Variants in MARK2 observed in about 807,000 individuals in gnomAD.
The protein encoded by MARK2 is serine/threonine-protein kinase MARK2.
In MARK2, 16 loss-of-function variants were observed where a neutral mutation model predicts 89.8. The observed-to-expected ratio is 0.18, with a 90% CI of 0.12 to 0.27. The LOEUF (loss-of-function observed/expected upper bound fraction) is 0.27. MARK2 is among the 10% of genes least tolerant of loss of function. The pLI is 1.00. For missense variants in MARK2, 621 were observed against 1,049.9 expected (o/e 0.59, Z 5.65); for synonymous variants, 382 against 399.5 (o/e 0.96, Z 0.52).
Position 63,839,386 on chromosome 11 carries a change from C to A in MARK2, c.-121C>A. 3.3e-6 allele frequency: 2 copies of A among 606,262 alleles called. No individual in the cohort carries two copies. Among genetic ancestry groups the A allele is most frequent in the African/African-American group, 2.0e-5 (1 of 50,446 alleles). The allele number at this position is 606,262 out of a possible 1,614,324, so 37.6% of individuals were successfully genotyped here. A position where few individuals can be genotyped will look rare whatever the true frequency, so the allele number is the denominator to read the frequency against. ...CGGCTGCCCGGCCTCCCCGCACCCC[C>A]GGCCGGGGCCCATGCGGCGGGTGCT... On this transcript the variant is annotated 5_prime_UTR_variant, in exon 1 of 19. Transcript: ENST00000402010.
chr11:63,860,209 AC>A (rs1937669097), intron 1 of MARK2, among the ~76,000 whole-genome samples: 1 of 152,144 alleles, frequency 6.6e-6, no homozygotes, highest in African/African-American at 2.4e-5. Context: ...CAAATAATAG[AC>A]CTTGGGCCTC....
intron 1 of MARK2, among the ~76,000 whole-genome samples, chr11:63,862,631 A>G (rs978817372): frequency 6.6e-6 from 1 of 152,156 alleles, no homozygotes; most frequent in Non-Finnish European, 1.5e-5. Flanking sequence ...AGACCTTTTT[A>G]AGAAACCCTC....
At chr11:63,878,359 C>CTTTTTTTTTTTT (rs59251368) in intron 1 of MARK2, among the ~76,000 whole-genome samples, 1 of 72,746 alleles carries the variant, frequency 1.4e-5, no homozygotes. Context: ...TTGTTCAAGT[C>CTTTTTTTTTTTT]TTTTTTTTTT....
At chr11:63,875,313 G>T (rs1300328479) in intron 1 of MARK2, among the ~76,000 whole-genome samples, 1 of 151,940 alleles carries the variant, frequency 6.6e-6, no homozygotes, top group South Asian at 2.1e-4. Context: ...TAGAGATGGG[G>T]TTACACCATG....
chr11:63,902,804 CTCCT>C lies in MARK2; in HGVS notation c.1416+31_1416+34del. ...CACGGTGAGCCGCACCCCCCGCTCTCTCCTTCCTTCCTGCGGTGGGGCCTGCCCT... is the reference window on the plus strand; with the variant it reads ...CACGGTGAGCCGCACCCCCCGCTCTCTCCTTCCTGCGGTGGGGCCTGCCCT... On this transcript the variant is annotated intron_variant, in intron 13 of 18. Coordinates refer to ENST00000402010, the MANE Select transcript of MARK2 (RefSeq NM_001039469.3). The surrounding 1 kb of genome is among the most constrained non-coding windows in gnomAD (Gnocchi z 4.2). 1.9e-6 allele frequency: 3 copies of C among 1,591,980 alleles called. No homozygotes were observed. Among genetic ancestry groups the C allele is most frequent in the Non-Finnish European group, 2.6e-6 (3 of 1,162,798 alleles).
intron 1 of MARK2, chr11:63,850,142 T>TTTGTTTG (rs2016494356): frequency 8.0e-6 from 1 of 125,556 alleles, no homozygotes; most frequent in African/African-American, 3.5e-5. Context: ...ATTTCTGTTT[T>TTTGTTTG]TTTGTTTGTT....
At chr11:63,890,665 T>C (rs1198176142) in intron 1 of MARK2, among the ~76,000 whole-genome samples, 1 of 152,264 alleles carries the variant, frequency 6.6e-6, no homozygotes, top group African/African-American at 2.4e-5. Context: ...AGCCTTCAGC[T>C]GAGCTGTAGC....
chr11:63,868,727 A>G (rs1565110216), intron 1 of MARK2: 1 of 454,586 alleles, frequency 2.2e-6, no homozygotes, highest in Non-Finnish European at 4.4e-6. Context: ...TCCTGGTTAC[A>G]GTGGGCTCAG....
intron 1 of MARK2, among the ~76,000 whole-genome samples, chr11:63,846,364 T>A (rs1041439968): frequency 1.1e-4 from 16 of 149,838 alleles, no homozygotes; most frequent in African/African-American, 3.7e-4. Flanking sequence ...AAAAAAAAAA[T>A]TTTTTTTTTG....
At chr11:63,856,972 C>A (rs539066781) in intron 1 of MARK2, among the ~76,000 whole-genome samples, 7 of 150,934 alleles carry the variant, frequency 4.6e-5, no homozygotes, top group Admixed American at 4.6e-4. Flanking sequence ...CCACCATGCC[C>A]GGCTAATTTT....
intron 1 of MARK2, among the ~76,000 whole-genome samples, chr11:63,860,272 G>A (rs898062361): frequency 6.6e-6 from 1 of 152,050 alleles, no homozygotes; most frequent in Non-Finnish European, 1.5e-5. Context: ...AACTCATGTC[G>A]GCTGGGTGCA....
At chr11:63,854,178 T>A (rs1202874609) in intron 1 of MARK2, among the ~76,000 whole-genome samples, 1 of 113,608 alleles carries the variant, frequency 8.8e-6, no homozygotes. Flanking sequence ...TGGCCAAGAC[T>A]ATTAATTCTG....
At chr11:63,854,831 A>G (rs1343508811) in intron 1 of MARK2, among the ~76,000 whole-genome samples, 10 of 137,962 alleles carry the variant, frequency 7.2e-5, no homozygotes, top group Non-Finnish European at 1.1e-4. Flanking sequence ...AAAAAAAAAA[A>G]GGGTATTCCA....
At chr11:63,863,993 G>A (rs1045453992) in intron 1 of MARK2, among the ~76,000 whole-genome samples, 2 of 150,590 alleles carry the variant, frequency 1.3e-5, no homozygotes, top group African/African-American at 2.4e-5. Context: ...TCGCTTTGTC[G>A]CCCAGGCTGG....
intron 1 of MARK2, among the ~76,000 whole-genome samples, chr11:63,862,073 G>A (rs1355407867): frequency 6.6e-6 from 1 of 151,804 alleles, no homozygotes; most frequent in Non-Finnish European, 1.5e-5. Flanking sequence ...GCAGGTATCC[G>A]CCACCATGCC....
chr11:63,844,069 C>G (rs192639997), intron 1 of MARK2, among the ~76,000 whole-genome samples: 3 of 152,260 alleles, frequency 2.0e-5, no homozygotes, highest in Admixed American at 2.0e-4. Context: ...CAAATAGTGT[C>G]ACTTTCGGCT....
At chr11:63,907,926 C>G (rs972148348) in intron 17 of MARK2, among the ~76,000 whole-genome samples, 1 of 152,248 alleles carries the variant, frequency 6.6e-6, no homozygotes. Flanking sequence ...AGCCTCGTGC[C>G]GGGCCGTGTG....
intron 1 of MARK2, among the ~76,000 whole-genome samples, chr11:63,841,702 G>T (rs145658590): frequency 6.6e-6 from 1 of 152,232 alleles, no homozygotes; most frequent in Admixed American, 6.5e-5. Context: ...GGGGAGTGGC[G>T]ATGGAGTGCC....
chr11:63,887,989 A>C (rs1404353031), intron 1 of MARK2, among the ~76,000 whole-genome samples: 1 of 152,184 alleles, frequency 6.6e-6, no homozygotes, highest in Non-Finnish European at 1.5e-5. Flanking sequence ...CTTTTGGGCA[A>C]AATCTAGGAT....
Sources: gnomAD v4.1 joint callset for allele counts (sites outside exome capture counted in the v4.1 genomes callset) on GRCh38, gnomAD v4.1.1 for gene constraint, Gnocchi (gnomAD v3.1) non-coding constraint, MANE v1.5 for transcripts, NCBI Gene and HGNC (gene_info 2026-07-23, HGNC 2026-07-21) for gene names.